The following R3HDM2 variants were observed in gnomAD, a reference collection of about 807,000 sequenced individuals.
The protein encoded by R3HDM2 is R3H domain containing 2, also known as R3H domain-containing protein 2.
In R3HDM2, 38 loss-of-function variants were observed where a neutral mutation model predicts 124.5. The ratio of observed to expected loss-of-function variants is 0.31; its 90% CI spans 0.24 to 0.40. The LOEUF (loss-of-function observed/expected upper bound fraction) is 0.40, where lower values mean the gene tolerates loss of function less well. Among genes scored for constraint, R3HDM2 ranks in the 10% least tolerant of loss-of-function variants. The pLI, the probability that R3HDM2 is intolerant of heterozygous loss-of-function variation, is 1.00. For synonymous variants in R3HDM2, 391 were observed against 448.0 expected (o/e 0.87, Z 1.61); for missense variants, 869 against 1,236.9 (o/e 0.70, Z 4.46).
chr12:57,398,495 T>C (rs549638138), intron 1 of R3HDM2, among the ~76,000 whole-genome samples: 1 of 141,180 alleles, frequency 7.1e-6, no homozygotes, highest in South Asian at 2.2e-4. Flanking sequence ...TTTCTCTCTC[T>C]TTTTTTTTTT....
rs1053130763 is a variant in R3HDM2 at position 57,339,150 on chromosome 12, T to C, written c.-35-28687A>G. On this transcript the variant is annotated intron_variant, in intron 2 of 23. Coordinates refer to ENST00000402412, the MANE Select transcript of R3HDM2 (RefSeq NM_001394031.1). ...CTGGGATTACAGGTGTTCGCCACCA[T>C]ACCCGGCTAAATTTTTTTGTAGTTT... is the stretch of plus-strand genomic sequence containing the variant. 5.9e-5 allele frequency among the ~76,000 whole-genome samples: 9 copies of C among 151,852 alleles called. No individual in the cohort carries two copies. The East Asian group carries it at 9.8e-4, about 17-fold the overall frequency.
chr12:57,360,036 T>TATATAC (rs1555287262), intron 2 of R3HDM2, among the ~76,000 whole-genome samples: 1,378 of 76,770 alleles, frequency 0.018, 19 homozygotes, highest in East Asian at 0.051. Flanking sequence ...CACATATATA[T>TATATAC]ATATATATAT....
At chr12:57,259,602 T>G (rs1411951670) in intron 19 of R3HDM2, among the ~76,000 whole-genome samples, 3 of 152,194 alleles carry the variant, frequency 2.0e-5, no homozygotes, top group Non-Finnish European at 2.9e-5. Flanking sequence ...AGCATGGAGA[T>G]GTATGTCATA....
At chr12:57,382,381 G>A (rs2065025861) in intron 2 of R3HDM2, among the ~76,000 whole-genome samples, 2 of 151,380 alleles carry the variant, frequency 1.3e-5, no homozygotes, top group Admixed American at 1.3e-4. Flanking sequence ...TGAGCACCTG[G>A]AATTATAGGC....
At chr12:57,418,110 A>C in intron 1 of R3HDM2, 1 of 962,260 alleles carries the variant, frequency 1.0e-6, no homozygotes, top group African/African-American at 1.8e-5. Flanking sequence ...CTCTCTACCA[A>C]CATTTCCTCT....
chr12:57,291,459 G>A (rs2048568503), intron 11 of R3HDM2, among the ~76,000 whole-genome samples: 1 of 151,722 alleles, frequency 6.6e-6, no homozygotes, highest in South Asian at 2.1e-4. Flanking sequence ...TTTGAGACCA[G>A]TCTGGGCAAC....
intron 2 of R3HDM2, among the ~76,000 whole-genome samples, chr12:57,357,035 G>T (rs1457837132): frequency 6.6e-6 from 1 of 151,516 alleles, no homozygotes; most frequent in Non-Finnish European, 1.5e-5. Flanking sequence ...CCCGGGAGGC[G>T]GAGCTTGCAG....
At chr12:57,289,189 C>T in intron 11 of R3HDM2, 149 bp from the exon 12 acceptor site, 2 of 727,614 alleles carry the variant, frequency 2.7e-6, no homozygotes, top group Admixed American at 2.4e-5. Flanking sequence ...ACAGGATGAC[C>T]CATACCCGCA....
At chr12:57,283,733 G>T in intron 13 of R3HDM2, 91 bp downstream of exon 13, 1 of 1,310,376 alleles carries the variant, frequency 7.6e-7, no homozygotes, top group Non-Finnish European at 1.1e-6. Context: ...AGGAGACTCT[G>T]TCTCAAAAAA....
At chr12:57,429,036 G>A (rs1223944894) in intron 1 of R3HDM2, among the ~76,000 whole-genome samples, 2 of 151,994 alleles carry the variant, frequency 1.3e-5, no homozygotes, top group African/African-American at 4.8e-5. Context: ...ATGAGCCACC[G>A]TGCCCGGCCA....
In R3HDM2 at chr12:57,418,191, C is replaced by T. The variant is rs920058825; in HGVS notation, c.-106+12529G>A. On this transcript the variant is annotated intron_variant, in intron 1 of 23. Coordinates refer to ENST00000402412, the MANE Select transcript of R3HDM2 (RefSeq NM_001394031.1). ...AGTTTGCCCAAGACACAAACCTGAGCGTCATCCATCCACAATTCCTCCCCT... is the reference window on the plus strand; with the variant it reads ...AGTTTGCCCAAGACACAAACCTGAGTGTCATCCATCCACAATTCCTCCCCT... The T allele has an allele frequency of 4.1e-6, 4 of 985,272 alleles. No individual in the cohort carries two copies. In the East Asian group the frequency reaches 4.5e-4, roughly 112 times the overall value. 61.0% of individuals were successfully genotyped at this position (985,272 alleles called of 1,614,324 possible).
intron 19 of R3HDM2, 35 bp from the exon 20 acceptor site, chr12:57,259,094 T>G (rs1382900957): frequency 1.3e-6 from 2 of 1,596,992 alleles, no homozygotes; most frequent in Non-Finnish European, 1.7e-6. Context: ...GGTTACAAAT[T>G]CCAACTGTAT....
intron 2 of R3HDM2, among the ~76,000 whole-genome samples, chr12:57,386,653 G>A (rs1015581248): frequency 6.6e-6 from 1 of 152,252 alleles, no homozygotes; most frequent in Non-Finnish European, 1.5e-5. Context: ...GAGCAGTGCA[G>A]GCCCACTGTG....
chr12:57,390,189 GA>G (rs2066451921), intron 2 of R3HDM2, among the ~76,000 whole-genome samples: 2 of 150,288 alleles, frequency 1.3e-5, no homozygotes, highest in Non-Finnish European at 3.0e-5. Flanking sequence ...AAAAAAGAAA[GA>G]AAGAAAAAAA....
intron 1 of R3HDM2, among the ~76,000 whole-genome samples, chr12:57,399,130 A>G (rs2067832402): frequency 6.6e-6 from 1 of 152,112 alleles, no homozygotes; most frequent in Admixed American, 6.6e-5. Flanking sequence ...TAGGCCAGGC[A>G]CGGTGGCTCA....
chr12:57,371,291 A>G (rs1397290039), intron 2 of R3HDM2, among the ~76,000 whole-genome samples: 4 of 151,992 alleles, frequency 2.6e-5, no homozygotes. Context: ...TATATCAAAA[A>G]GAAAAAAGCA....
chr12:57,339,234 T>G (rs1216594916), intron 2 of R3HDM2, among the ~76,000 whole-genome samples: 1 of 151,868 alleles, frequency 6.6e-6, no homozygotes, highest in Admixed American at 6.6e-5. Context: ...TGACCTCAAG[T>G]GATCCATCCG....
At chr12:57,427,354 GC>G (rs2070839829) in intron 1 of R3HDM2, among the ~76,000 whole-genome samples, 1 of 88,396 alleles carries the variant, frequency 1.1e-5, no homozygotes, top group Admixed American at 1.3e-4. Context: ...CTCTCCTGAA[GC>G]TTTTTTTTTT....
At chr12:57,346,157 CAAAAAA>C (rs1210805432) in intron 2 of R3HDM2, among the ~76,000 whole-genome samples, 1 of 53,930 alleles carries the variant, frequency 1.9e-5, no homozygotes, top group African/African-American at 5.7e-5. Flanking sequence ...AACTCCGTCT[CAAAAAA>C]AAAAAAAAAA....
Sources: allele counts gnomAD v4.1 joint callset (sites outside exome capture counted in the v4.1 genomes callset), GRCh38; gene constraint gnomAD v4.1.1; transcripts MANE v1.5; gene names NCBI Gene and HGNC (gene_info 2026-07-23, HGNC 2026-07-21).